Variants in LCLAT1 observed in about 807,000 individuals in gnomAD.
LCLAT1 encodes the protein 1-AGP acyltransferase 8.
Under a neutral mutation model 30.7 loss-of-function variants are expected in LCLAT1, and 11 were observed. That is an observed-to-expected ratio of 0.36 (90% CI 0.23 to 0.59). The LOEUF (loss-of-function observed/expected upper bound fraction) is 0.59, where lower values mean the gene tolerates loss of function less well. Among genes scored for constraint, LCLAT1 ranks in the 20% least tolerant of loss-of-function variants. The probability of loss-of-function intolerance (pLI) is 0.77; values close to 1 mark genes in which losing one functional copy is unlikely to be tolerated. For synonymous variants in LCLAT1, 155 were observed against 151.3 expected (o/e 1.02, Z -0.18); for missense variants, 402 against 458.6 (o/e 0.88, Z 1.13).
At chr2:30,608,468 C>G (rs1329326610) in intron 5 of LCLAT1, among the ~76,000 whole-genome samples, 4 of 152,076 alleles carry the variant, frequency 2.6e-5, no homozygotes, top group Admixed American at 1.3e-4. Flanking sequence ...CATTCACTCA[C>G]CCTCACTCAC....
At chr2:30,543,483 A>G (rs1664249029) in intron 3 of LCLAT1, among the ~76,000 whole-genome samples, 1 of 152,148 alleles carries the variant, frequency 6.6e-6, no homozygotes, top group African/African-American at 2.4e-5. Flanking sequence ...GTTTTCTGTT[A>G]AGAGTTTGTA....
chr2:30,612,956 A>G (rs1247326661), intron 5 of LCLAT1, among the ~76,000 whole-genome samples: 1 of 152,198 alleles, frequency 6.6e-6, no homozygotes, highest in East Asian at 1.9e-4. Flanking sequence ...AGTATGTCAG[A>G]TGATGGGGCT....
chr2:30,615,963 C>G (rs574765610), intron 5 of LCLAT1, among the ~76,000 whole-genome samples: 1 of 152,204 alleles, frequency 6.6e-6, no homozygotes, highest in Non-Finnish European at 1.5e-5. Flanking sequence ...GAGACCCTTC[C>G]CTACCTTGGA....
chr2:30,493,276 G>T (rs901586968), intron 1 of LCLAT1, among the ~76,000 whole-genome samples: 1 of 152,138 alleles, frequency 6.6e-6, no homozygotes, highest in African/African-American at 2.4e-5. Context: ...AGTAACTTTT[G>T]TAAAGTCTGA....
chr2:30,628,713 A>G (rs914840937), intron 5 of LCLAT1, among the ~76,000 whole-genome samples: 5 of 152,212 alleles, frequency 3.3e-5, no homozygotes, highest in African/African-American at 1.2e-4. Context: ...ATTTCAGTAC[A>G]AGGAGAAACG....
At chr2:30,591,905 C>G (rs575092243) in intron 5 of LCLAT1, among the ~76,000 whole-genome samples, 3 of 152,192 alleles carry the variant, frequency 2.0e-5, no homozygotes, top group Non-Finnish European at 4.4e-5. Context: ...TAGTTAGTCA[C>G]TCCTTCCTTT....
chr2:30,561,451 T>A (rs1453043952), intron 3 of LCLAT1, among the ~76,000 whole-genome samples: 1 of 152,178 alleles, frequency 6.6e-6, no homozygotes, highest in Non-Finnish European at 1.5e-5. Flanking sequence ...TTGCCTCAGT[T>A]AGGTATCTAC....
chr2:30,579,573 A>G (rs1666127963), intron 5 of LCLAT1, among the ~76,000 whole-genome samples: 1 of 152,152 alleles, frequency 6.6e-6, no homozygotes, highest in Non-Finnish European at 1.5e-5. Flanking sequence ...GAGTAAGAGA[A>G]TTTAGGGAAT....
chr2:30,495,992 C>T (rs1301104562), intron 1 of LCLAT1, among the ~76,000 whole-genome samples: 3 of 152,122 alleles, frequency 2.0e-5, no homozygotes, highest in African/African-American at 7.2e-5. Flanking sequence ...TTAATTGGCT[C>T]ATGGTGCCAC....
chr2:30,501,623 C>T (rs1232720141), intron 1 of LCLAT1, among the ~76,000 whole-genome samples: 4 of 151,608 alleles, frequency 2.6e-5, no homozygotes, highest in African/African-American at 4.8e-5. Flanking sequence ...TGCAGTGAGC[C>T]GAGATCATAC....
intron 5 of LCLAT1, among the ~76,000 whole-genome samples, chr2:30,631,461 C>T (rs1019709256): frequency 6.6e-6 from 1 of 152,170 alleles, no homozygotes; most frequent in Non-Finnish European, 1.5e-5. Flanking sequence ...AAATAAACCA[C>T]AGCATGCCCT....
chr2:30,491,733 A>G (rs1236299370), intron 1 of LCLAT1, among the ~76,000 whole-genome samples: 1 of 152,196 alleles, frequency 6.6e-6, no homozygotes, highest in Non-Finnish European at 1.5e-5. Context: ...CTGGTTGTTT[A>G]TGCCTTAATT....
chr2:30,628,677 T>C, intron 5 of LCLAT1, among the ~76,000 whole-genome samples: 1 of 152,052 alleles, frequency 6.6e-6, no homozygotes, highest in East Asian at 1.9e-4. Flanking sequence ...AGGAGATCGG[T>C]GCCATAATTG....
chr2:30,567,342 G>A (rs931924309), intron 4 of LCLAT1, among the ~76,000 whole-genome samples: 4 of 151,686 alleles, frequency 2.6e-5, no homozygotes, highest in African/African-American at 9.7e-5. Context: ...AAGTATAACC[G>A]AGCATCTCAG....
rs139538965 is a variant in LCLAT1, at chr2:30,595,394, T to G, written c.628+27218T>G. Among the ~76,000 whole-genome samples, 93 of 152,298 alleles carry G rather than the reference T, an allele frequency of 6.1e-4. No individual in the cohort carries two copies. The East Asian group carries it at 0.017, about 28-fold the overall frequency. The stretch of plus-strand genomic sequence containing the variant: ...CACTAATGTCTTGAGTGTAATTATG[T>G]GCCAAGCATTATTGAGCTATCAAGA... On this transcript the variant is annotated intron_variant, in intron 5 of 5. Coordinates refer to ENST00000379509, the MANE Select transcript of LCLAT1 (RefSeq NM_001002257.3).
At chr2:30,455,909 CAAAAAAAAAAAAAA>C (rs3060184) in intron 1 of LCLAT1, among the ~76,000 whole-genome samples, 3 of 61,000 alleles carry the variant, frequency 4.9e-5, no homozygotes, top group African/African-American at 2.0e-4. Flanking sequence ...GACCCTATAT[CAAAAAAAAAAAAAA>C]AAAAAAAAAA....
chr2:30,550,025 A>G (rs17009706), intron 3 of LCLAT1, among the ~76,000 whole-genome samples: 20,643 of 152,160 alleles, frequency 0.14, 3,218 homozygotes, highest in African/African-American at 0.38. Context: ...ATCTTCAATT[A>G]TTACAACCAA....
chr2:30,493,396 A>G (rs995085436), intron 1 of LCLAT1, among the ~76,000 whole-genome samples: 1 of 152,242 alleles, frequency 6.6e-6, no homozygotes, highest in Admixed American at 6.5e-5. Flanking sequence ...AAACTGAACA[A>G]TCAAAGGACT....
chr2:30,521,889 T>A (rs956511527), intron 1 of LCLAT1, among the ~76,000 whole-genome samples: 4 of 152,210 alleles, frequency 2.6e-5, no homozygotes, highest in African/African-American at 9.6e-5. Flanking sequence ...TCTGTTTCCT[T>A]ATCCTTTGGG....
Sources: gnomAD v4.1 joint callset for allele counts (sites outside exome capture counted in the v4.1 genomes callset) on GRCh38, gnomAD v4.1.1 for gene constraint, MANE v1.5 for transcripts, NCBI Gene and HGNC (gene_info 2026-07-23, HGNC 2026-07-21) for gene names.